The following B9D1 variants were observed in gnomAD, a reference collection of about 807,000 sequenced individuals.
B9D1 encodes B9 domain containing 1.
In B9D1, 20 loss-of-function variants were observed where a neutral mutation model predicts 26.1. The observed-to-expected ratio is 0.77, with a 90% CI of 0.54 to 1.12. The LOEUF is 1.12. B9D1 is among the 50% of genes most tolerant of loss of function. B9D1 has a pLI of 0.00. For synonymous variants in B9D1, 105 were observed against 103.1 expected, an observed-to-expected ratio of 1.02 and a Z score of -0.11; for missense variants, 260 against 273.7, an observed-to-expected ratio of 0.95 and a Z score of 0.35.
downstream of B9D1, chr17:19,336,661 G>T (rs1172648906): frequency 6.6e-6 from 1 of 152,644 alleles, no homozygotes; most frequent in Non-Finnish European, 1.5e-5. Flanking sequence ...TTGAACTTGT[G>T]TTGACTGTTG....
At chr17:19,341,385 G>T, downstream of B9D1, 2 of 1,170,046 alleles carry the variant, frequency 1.7e-6, no homozygotes, top group Non-Finnish European at 2.1e-6. Context: ...TTTGCTCTGT[G>T]TCGTCCCATG....
downstream of B9D1, chr17:19,341,409 A>T: frequency 9.9e-7 from 1 of 1,007,424 alleles, no homozygotes; most frequent in Non-Finnish European, 1.3e-6. Flanking sequence ...CGTGGGGCAC[A>T]TGTGGAGGCT....
At chr17:19,343,940 C>T (rs1035785679) in intron 5 of B9D1, 83 bp from the exon 6 acceptor site, 12 of 1,592,980 alleles carry the variant, frequency 7.5e-6, no homozygotes, top group Admixed American at 3.4e-5. Context: ...GGGCTCTCCT[C>T]GGTTCAGAAA....
intron 2 of B9D1, among the ~76,000 whole-genome samples, chr17:19,358,347 A>G (rs1042840329): frequency 3.9e-5 from 6 of 151,928 alleles, no homozygotes; most frequent in Admixed American, 2.6e-4. Context: ...TCCTCTTTCA[A>G]CTCTGCGGCT....
At chr17:19,337,275 A>T (rs1048197089), downstream of B9D1, among the ~76,000 whole-genome samples, 1 of 152,214 alleles carries the variant, frequency 6.6e-6, no homozygotes, top group Non-Finnish European at 1.5e-5. Flanking sequence ...CCTGTGCCTC[A>T]GAGCCACCAA....
chr17:19,357,368 G>A (rs1910484133), intron 3 of B9D1, among the ~76,000 whole-genome samples: 1 of 152,252 alleles, frequency 6.6e-6, no homozygotes, highest in South Asian at 2.1e-4. Context: ...TGGGAAAGAG[G>A]TTAGACATAG....
intron 2 of B9D1, among the ~76,000 whole-genome samples, chr17:19,358,604 T>C (rs761062226): frequency 6.6e-6 from 1 of 152,184 alleles, no homozygotes; most frequent in Non-Finnish European, 1.5e-5. Context: ...TGCAGCTGCT[T>C]ACTCCTTGAT....
chr17:19,337,708 C>T, downstream of B9D1: 5 of 1,534,116 alleles, frequency 3.3e-6, no homozygotes, highest in South Asian at 1.2e-5. Flanking sequence ...CCGCTTTCAT[C>T]TTGAAACACT....
Position 19,362,592 on chromosome 17 carries a change from G to A in B9D1, c.-23C>T, listed in dbSNP as rs776088920. 1.8e-5 allele frequency: 29 copies of A among 1,584,986 alleles called. 1 individual carries two copies. The South Asian group carries it at 2.8e-4, about 15-fold the overall frequency. ...CATGGCAGGTCTGGGGGTGCCGGGG[G>A]GACCCACCTAGGCCGCGCGCGGTTG... is the stretch of plus-strand genomic sequence containing the variant. On this transcript the variant is annotated 5_prime_UTR_variant, in exon 1 of 7. Coordinates refer to ENST00000261499, the MANE Select transcript of B9D1 (RefSeq NM_015681.6).
rs1380337231 is a variant in B9D1, at chr17:19,343,381, T to C, written c.553A>G (p.Thr185Ala). 1.2e-6 allele frequency: 2 copies of C among 1,613,968 alleles called. No individual in the cohort carries two copies. The highest frequency in any genetic ancestry group is 3.3e-5 in the Admixed American group (2 of 59,988). The change falls in exon 7 of 7, where the codon ACT (threonine) becomes GCT (alanine). Residue 185 changes from threonine (T) to alanine (A), a missense_variant. Transcript: ENST00000261499. ...ACACCCTGTGTATCAGAAGGCCCAG[T>C]GTCATAGCCCAGTTTCCTCATGTCC... is the stretch of plus-strand genomic sequence containing the variant. ...TKDMRKLGYDTGPSDTQGVLG... is the reference protein window; with the variant it reads ...TKDMRKLGYDAGPSDTQGVLG...
At chr17:19,341,046 GGGTAT>G, downstream of B9D1, 1 of 982,408 alleles carries the variant, frequency 1.0e-6, no homozygotes, top group Non-Finnish European at 1.3e-6. Context: ...TCTAGGTGGT[GGGTAT>G]GTGGTGTTCA....
At chr17:19,377,663 C>T (rs1761981569) in intron 1 of B9D1, 1 of 187,462 alleles carries the variant, frequency 5.3e-6, no homozygotes. Context: ...GGCGGTGCTC[C>T]ATAAACATTT....
intron 3 of B9D1, among the ~76,000 whole-genome samples, chr17:19,352,651 A>G (rs369203347): frequency 8.6e-5 from 13 of 151,164 alleles, no homozygotes; most frequent in East Asian, 2.0e-4. Flanking sequence ...CCTCCCGAGT[A>G]GCTGGAATTA....
chr17:19,356,874 C>T (rs1395721764), intron 3 of B9D1, among the ~76,000 whole-genome samples: 1 of 152,148 alleles, frequency 6.6e-6, no homozygotes, highest in African/African-American at 2.4e-5. Flanking sequence ...GGAGGAGGTT[C>T]GTCCAGTACC....
chr17:19,360,224 C>G, intron 2 of B9D1, 96 bp downstream of exon 2: 3 of 1,208,010 alleles, frequency 2.5e-6, no homozygotes, highest in South Asian at 1.2e-5. Flanking sequence ...GTCTCTACCT[C>G]TTAACTTGTT....
At position 19,347,190 on chromosome 17, in the gene B9D1, G is replaced by C; in HGVS notation, c.404+79C>G. ...CTTGCAGATCTGAGGAGGCGACCAG[G>C]CACAAACTGAGGGGTAGAATGGGAC... On this transcript the variant is annotated intron_variant, in intron 5 of 6. Coordinates refer to ENST00000261499, the MANE Select transcript of B9D1 (RefSeq NM_015681.6). This position sits in a 1 kb window ranked among gnomAD's most constrained non-coding sequence, Gnocchi z 4.3. 1 of 1,614,010 alleles carries C rather than the reference G, an allele frequency of 6.2e-7. No individual in the cohort carries two copies. Among genetic ancestry groups the C allele is most frequent in the African/African-American group, 1.3e-5 (1 of 75,042 alleles).
chr17:19,342,265 G>A (rs1028132849), downstream of B9D1, among the ~76,000 whole-genome samples: 10 of 152,278 alleles, frequency 6.6e-5, no homozygotes, highest in African/African-American at 2.2e-4. Context: ...GACAACAGAC[G>A]ATGAGTTTCA....
chr17:19,362,588 G>C lies in B9D1; in HGVS notation c.-19C>G, dbSNP rs1460493207. On this transcript the variant is annotated 5_prime_UTR_variant, in exon 1 of 7. Transcript: ENST00000261499. ...TCGCCATGGCAGGTCTGGGGGTGCCGGGGGGACCCACCTAGGCCGCGCGCG... is the reference window on the plus strand; with the variant it reads ...TCGCCATGGCAGGTCTGGGGGTGCCCGGGGGACCCACCTAGGCCGCGCGCG... 1.3e-6 allele frequency: 2 copies of C among 1,583,654 alleles called. No homozygotes were observed. The highest frequency in any genetic ancestry group is 2.3e-5 in the South Asian group (2 of 87,102).
Position 19,346,367 on chromosome 17 carries a change from T to C in B9D1, c.404+902A>G, listed in dbSNP as rs973276111. Among the ~76,000 whole-genome samples the C allele has an allele frequency of 4.2e-4, 64 of 152,364 alleles. 1 individual carries two copies. Among genetic ancestry groups the C allele is most frequent in the South Asian group, 4.1e-4 (2 of 4,834 alleles). On this transcript the variant is annotated intron_variant, in intron 5 of 6. Transcript: ENST00000261499. Reference sequence around the variant, plus strand: ...GCATTCTCGGCCCTGGGCGCGATGCTGTCCCTCCACCCAGCAGGGCTCTGG... The same window carrying C: ...GCATTCTCGGCCCTGGGCGCGATGCCGTCCCTCCACCCAGCAGGGCTCTGG...
Sources: allele counts gnomAD v4.1 joint callset (sites outside exome capture counted in the v4.1 genomes callset), GRCh38; gene constraint gnomAD v4.1.1; non-coding constraint Gnocchi (gnomAD v3.1); transcripts MANE v1.5; gene names NCBI Gene and HGNC (gene_info 2026-07-23, HGNC 2026-07-21).